Variants in PRDM16 observed in about 807,000 individuals in gnomAD.
The protein encoded by PRDM16 is histone-lysine N-methyltransferase PRDM16.
In PRDM16, 23 loss-of-function variants were observed where a neutral mutation model predicts 110.6. The observed-to-expected ratio is 0.21, with a 90% confidence interval of 0.15 to 0.29. The LOEUF is 0.29. Ranked by LOEUF, PRDM16 falls within the 10% of genes least tolerant of loss-of-function variation. The pLI, the probability that PRDM16 is intolerant of heterozygous loss-of-function variation, is 1.00. For missense variants in PRDM16, 1,615 were observed against 1,794.3 expected, an observed-to-expected ratio of 0.90 and a Z score of 1.81; for synonymous variants, 799 against 781.8, an observed-to-expected ratio of 1.02 and a Z score of -0.37.
intron 1 of PRDM16, among the ~76,000 whole-genome samples, chr1:3,109,848 T>A (rs1292381842): frequency 6.6e-6 from 1 of 152,242 alleles, no homozygotes; most frequent in East Asian, 1.9e-4. Context: ...GAAGCTCATT[T>A]GTGTTGGATA....
intron 2 of PRDM16, among the ~76,000 whole-genome samples, chr1:3,233,685 G>A (rs980556014): frequency 6.6e-6 from 1 of 152,192 alleles, no homozygotes; most frequent in Non-Finnish European, 1.5e-5. Flanking sequence ...GAGAGCCGAC[G>A]TTAGATTGTC....
chr1:3,311,379 G>A (rs1641456930), intron 3 of PRDM16, among the ~76,000 whole-genome samples: 1 of 152,178 alleles, frequency 6.6e-6, no homozygotes, highest in African/African-American at 2.4e-5. Context: ...TCTTCCCAAA[G>A]TGCCTGGAAA....
At chr1:3,357,147 G>A (rs1458503616) in intron 3 of PRDM16, among the ~76,000 whole-genome samples, 1 of 152,140 alleles carries the variant, frequency 6.6e-6, no homozygotes, top group African/African-American at 2.4e-5. Context: ...TGTCTCTGCT[G>A]TCTGGGGCCG....
Position 3,291,043 on chromosome 1 carries a change from A to C in PRDM16, c.438+46906A>C, listed in dbSNP as rs534373523. Among the ~76,000 whole-genome samples, 485 of 151,936 alleles carry C rather than the reference A, an allele frequency of 3.2e-3. 4 individuals are homozygous for C. The highest frequency in any genetic ancestry group is 0.011 in the African/African-American group (468 of 41,446). On this transcript the variant is annotated intron_variant, in intron 3 of 16. Coordinates refer to ENST00000270722, the MANE Select transcript of PRDM16 (RefSeq NM_022114.4). The stretch of plus-strand genomic sequence containing the variant: ...TGTCTCCGGCTTGGAGGAGAGATGC[A>C]GGAGGATCGCCCAGGCAGCACCGGC...
intron 1 of PRDM16, among the ~76,000 whole-genome samples, chr1:3,167,351 T>C (rs1487921322): frequency 6.6e-6 from 1 of 152,136 alleles, no homozygotes; most frequent in Non-Finnish European, 1.5e-5. Flanking sequence ...TGCTCCCAGT[T>C]TTCTGGGAAT....
intron 1 of PRDM16, among the ~76,000 whole-genome samples, chr1:3,170,855 A>G (rs1277234918): frequency 6.6e-6 from 1 of 152,158 alleles, no homozygotes; most frequent in African/African-American, 2.4e-5. Context: ...GGCTGTCGGG[A>G]GCCCATGGCC....
At chr1:3,126,327 G>A (rs1273874177) in intron 1 of PRDM16, among the ~76,000 whole-genome samples, 2 of 152,186 alleles carry the variant, frequency 1.3e-5, no homozygotes, top group Non-Finnish European at 2.9e-5. Context: ...AGGTGCCAAT[G>A]GCATCCTCCT....
chr1:3,219,350 C>T (rs186484174), intron 2 of PRDM16, among the ~76,000 whole-genome samples: 6 of 152,326 alleles, frequency 3.9e-5, no homozygotes, highest in South Asian at 2.1e-4. Context: ...GTCAGGGCAG[C>T]GGGCCCAGAA....
chr1:3,362,105 CT>C (rs1642725434), intron 3 of PRDM16, among the ~76,000 whole-genome samples: 1 of 152,290 alleles, frequency 6.6e-6, no homozygotes, highest in African/African-American at 2.4e-5. Flanking sequence ...AGGAAGACAC[CT>C]GTGTTCACTC....
rs1052345922 is a variant in PRDM16, at chr1:3,243,636, C to T, written c.388-451C>T. On this transcript the variant is annotated intron_variant, in intron 2 of 16. Coordinates refer to ENST00000270722, the MANE Select transcript of PRDM16 (RefSeq NM_022114.4). This position sits in a 1 kb window ranked among gnomAD's most constrained non-coding sequence, Gnocchi z 5.5. ...ACCAGGCACAACCTAGGCCAAGTTA[C>T]GTCTAAATACACGTGGTGTGATTCG... Among the ~76,000 whole-genome samples the T allele has an allele frequency of 7.9e-5, 12 of 152,242 alleles. No individual in the cohort carries two copies. The highest frequency in any genetic ancestry group is 2.4e-4 in the African/African-American group (10 of 41,462).
chr1:3,428,319 A>G (rs2483241), intron 14 of PRDM16, among the ~76,000 whole-genome samples: 10,292 of 127,262 alleles, frequency 0.081, 1,709 homozygotes, highest in African/African-American at 0.28. Context: ...GCCCGGCCGC[A>G]CTGCAGGAGA....
At chr1:3,371,672 G>A (rs1642911125) in intron 3 of PRDM16, among the ~76,000 whole-genome samples, 1 of 152,240 alleles carries the variant, frequency 6.6e-6, no homozygotes, top group Admixed American at 6.5e-5. Context: ...AAGAGCTTCA[G>A]TTGCTGTTGG....
In PRDM16 at chr1:3,432,005, G is replaced by A; in HGVS notation, c.3561G>A (p.Glu1187=). ...ACGAAGGCGGTCTGTTAGCTTTGGAGCCGATGCCGACTTTTGGGAAGGGGC... is the reference window on the plus strand; with the variant it reads ...ACGAAGGCGGTCTGTTAGCTTTGGAACCGATGCCGACTTTTGGGAAGGGGC... ...EDHEGGLLAL[E]PMPTFGKGLD... is the part of the protein sequence containing the mutation. Residue 1187 remains glutamate (E), a synonymous_variant, in exon 16 of 17, where the codon GAG becomes GAA. Transcript: ENST00000270722. The A allele has an allele frequency of 3.1e-6, 5 of 1,614,030 alleles. No homozygotes were observed. Among genetic ancestry groups the A allele is most frequent in the African/African-American group, 1.3e-5 (1 of 75,068 alleles).
chr1:3,173,167 T>C lies in PRDM16; in HGVS notation c.38-12958T>C, dbSNP rs562660949. On this transcript the variant is annotated intron_variant, in intron 1 of 16. Transcript: ENST00000270722. ...GTGATTCAGGAGGGAAACAGTGAGATGTGAGCAATCCGTGGCTACCTTGCT... is the reference window on the plus strand; with the variant it reads ...GTGATTCAGGAGGGAAACAGTGAGACGTGAGCAATCCGTGGCTACCTTGCT... Among the ~76,000 whole-genome samples, 20 of 152,202 alleles carry C rather than the reference T, an allele frequency of 1.3e-4. 1 individual carries two copies. The highest frequency in any genetic ancestry group is 4.3e-4 in the African/African-American group (18 of 41,522).
rs59791059 is a variant in PRDM16 at position 3,354,459 on chromosome 1, CAAAA to C, written c.439-30676_439-30673del. Among the ~76,000 whole-genome samples, 408 of 113,230 alleles carry C rather than the reference CAAAA, an allele frequency of 3.6e-3. 7 individuals carry two copies. The highest frequency in any genetic ancestry group is 0.034 in the South Asian group (106 of 3,156). The allele number at this position is 113,230 out of a possible 152,430, so 74.3% of individuals were successfully genotyped here. ...TGGGTGACAGGGCGAGACTCTGCCTCAAAAAAAAAAAAAAAAAAAATACCTTGCT... is the reference window on the plus strand; with the variant it reads ...TGGGTGACAGGGCGAGACTCTGCCTCAAAAAAAAAAAAAAAATACCTTGCT... On this transcript the variant is annotated intron_variant, in intron 3 of 16. Transcript: ENST00000270722.
intron 3 of PRDM16, among the ~76,000 whole-genome samples, chr1:3,287,856 G>T (rs867860781): frequency 6.6e-6 from 1 of 150,902 alleles, no homozygotes; most frequent in Admixed American, 6.6e-5. Flanking sequence ...CGCCACGCGG[G>T]CATCCAGGAT....
At chr1:3,185,164 G>T (rs537390456) in intron 1 of PRDM16, among the ~76,000 whole-genome samples, 1 of 152,032 alleles carries the variant, frequency 6.6e-6, no homozygotes, top group Non-Finnish European at 1.5e-5. Context: ...ACTCCTCCTC[G>T]CCCTGCCCAT....
Position 3,110,113 on chromosome 1 carries a change from G to A in PRDM16, c.37+40817G>A, listed in dbSNP as rs540775524. Among the ~76,000 whole-genome samples the A allele has an allele frequency of 1.2e-4, 18 of 149,520 alleles. No individual in the cohort carries two copies. The South Asian group carries it at 3.2e-3, about 27-fold the overall frequency. On this transcript the variant is annotated intron_variant, in intron 1 of 16. Transcript: ENST00000270722. ...GACACAGTGGCTGTGGCTCCCCCAT[G>A]TCCTGGGTGTGGGGACACAGTGTCT...
chr1:3,297,235 C>G (rs1356199930), intron 3 of PRDM16, among the ~76,000 whole-genome samples: 1 of 151,956 alleles, frequency 6.6e-6, no homozygotes, highest in Admixed American at 6.6e-5. Flanking sequence ...TCGGGTGAGA[C>G]CCGAAGCAGC....
Sources: allele counts gnomAD v4.1 joint callset (sites outside exome capture counted in the v4.1 genomes callset), GRCh38; gene constraint gnomAD v4.1.1; non-coding constraint Gnocchi (gnomAD v3.1); transcripts MANE v1.5; gene names NCBI Gene and HGNC (gene_info 2026-07-23, HGNC 2026-07-21).